Variants in CEP63 observed in about 807,000 individuals in gnomAD.
The protein encoded by CEP63 is centrosomal protein of 63 kDa.
Under a neutral mutation model 89.1 loss-of-function variants are expected in CEP63, and 84 were observed. The ratio of observed to expected loss-of-function variants is 0.94; its 90% CI spans 0.79 to 1.13. The LOEUF is 1.13. Among genes scored for constraint, CEP63 ranks in the 50% most tolerant of loss-of-function variants. CEP63 has a pLI of 0.00. For missense variants in CEP63, 838 were observed against 813.3 expected, an observed-to-expected ratio of 1.03 and a Z score of -0.37; for synonymous variants, 267 against 272.5, an observed-to-expected ratio of 0.98 and a Z score of 0.20.
chr3:134,488,800 A>G (rs1436653490), intron 1 of CEP63, among the ~76,000 whole-genome samples: 4 of 152,164 alleles, frequency 2.6e-5, no homozygotes, highest in Non-Finnish European at 5.9e-5. Flanking sequence ...GTAGAATTGC[A>G]CTGTCCGGTA....
chr3:134,681,677 G>A, the CEP63 span, among the ~76,000 whole-genome samples: 271 of 152,318 alleles, frequency 1.8e-3, no homozygotes, highest in Middle Eastern at 3.4e-3. Flanking sequence ...GGGAAAGAGC[G>A]AGTAGATCCA....
At chr3:134,737,288 AGATTGGT>A in the CEP63 span, among the ~76,000 whole-genome samples, 5 of 152,210 alleles carry the variant, frequency 3.3e-5, no homozygotes, top group African/African-American at 7.2e-5. Context: ...CTAATAAGAA[AGATTGGT>A]GATTTCAATT....
At chr3:134,554,240 C>A (rs1280804208) in intron 12 of CEP63, among the ~76,000 whole-genome samples, 2 of 151,266 alleles carry the variant, frequency 1.3e-5, no homozygotes, top group Non-Finnish European at 2.9e-5. Context: ...CCCCTTCCCC[C>A]ACCCCACAAC....
the CEP63 span, among the ~76,000 whole-genome samples, chr3:134,605,272 C>T: frequency 2.1e-3 from 313 of 152,216 alleles, 3 homozygotes; most frequent in African/African-American, 7.0e-3. Flanking sequence ...AGGGAGGGAC[C>T]GTGGCTTCTC....
At chr3:134,630,558 A>G in the CEP63 span, among the ~76,000 whole-genome samples, 1 of 152,234 alleles carries the variant, frequency 6.6e-6, no homozygotes, top group Non-Finnish European at 1.5e-5. Context: ...AATTCCATAA[A>G]GTTGTAGATG....
At chr3:134,541,069 A>G (rs1276252035) in intron 6 of CEP63, among the ~76,000 whole-genome samples, 1 of 152,190 alleles carries the variant, frequency 6.6e-6, no homozygotes, top group Non-Finnish European at 1.5e-5. Flanking sequence ...GGCGTGAACC[A>G]TCGCACCTGG....
At chr3:134,691,142 C>G in the CEP63 span, among the ~76,000 whole-genome samples, 1 of 152,142 alleles carries the variant, frequency 6.6e-6, no homozygotes, top group Non-Finnish European at 1.5e-5. Flanking sequence ...ATGGCTTGAG[C>G]CTAGGCGTTT....
intron 12 of CEP63, among the ~76,000 whole-genome samples, chr3:134,554,174 C>A (rs1050721772): frequency 2.0e-4 from 30 of 151,798 alleles, no homozygotes; most frequent in African/African-American, 7.0e-4. Flanking sequence ...TGCTGGTGCA[C>A]TGCACCCACT....
chr3:134,526,572 C>T (rs1948686350), intron 3 of CEP63, among the ~76,000 whole-genome samples: 1 of 152,034 alleles, frequency 6.6e-6, no homozygotes, highest in Non-Finnish European at 1.5e-5. Context: ...GTTCTTTGTT[C>T]CTATCCATGC....
At chr3:134,757,055 A>G in the CEP63 span, among the ~76,000 whole-genome samples, 1 of 152,102 alleles carries the variant, frequency 6.6e-6, no homozygotes, top group Non-Finnish European at 1.5e-5. Flanking sequence ...TGAGCCTCTA[A>G]AGCACAGACC....
chr3:134,584,983 G>A (rs1958452952), intron 10 of CEP63, among the ~76,000 whole-genome samples: 2 of 35,886 alleles, frequency 5.6e-5, no homozygotes, highest in Non-Finnish European at 1.2e-4. Context: ...TTGCATGGAG[G>A]TGTTTATAGT....
intron 11 of CEP63, among the ~76,000 whole-genome samples, chr3:134,572,633 C>T (rs1201747576): frequency 6.6e-6 from 1 of 152,210 alleles, no homozygotes; most frequent in African/African-American, 2.4e-5. Context: ...ATATGTACCA[C>T]ATTTTCTTTA....
At chr3:134,555,763 G>GA (rs1491381557) in intron 12 of CEP63, among the ~76,000 whole-genome samples, 6 of 150,628 alleles carry the variant, frequency 4.0e-5, no homozygotes, top group Non-Finnish European at 3.0e-5. Flanking sequence ...CACAGAATTG[G>GA]AAAAAACTAC....
At chr3:134,769,780 C>T in the CEP63 span, among the ~76,000 whole-genome samples, 25 of 152,202 alleles carry the variant, frequency 1.6e-4, no homozygotes, top group African/African-American at 6.0e-4. Context: ...GTCATCTTAC[C>T]TCTAAGCCCT....
intron 6 of CEP63, among the ~76,000 whole-genome samples, chr3:134,541,441 T>G (rs895619990): frequency 6.6e-6 from 1 of 152,200 alleles, no homozygotes; most frequent in Non-Finnish European, 1.5e-5. Context: ...TACTGACTAT[T>G]ACATTTTCAG....
At chr3:134,748,404 T>C in the CEP63 span, among the ~76,000 whole-genome samples, 2 of 152,110 alleles carry the variant, frequency 1.3e-5, no homozygotes, top group African/African-American at 4.8e-5. Context: ...CTACACATGA[T>C]AAAACTGTAT....
intron 11 of CEP63, among the ~76,000 whole-genome samples, chr3:134,551,691 T>C (rs946827462): frequency 2.0e-5 from 3 of 149,866 alleles, no homozygotes; most frequent in African/African-American, 7.3e-5. Context: ...TTCATTCACC[T>C]TAATAACATC....
the CEP63 span, among the ~76,000 whole-genome samples, chr3:134,769,215 CG>C: frequency 6.6e-5 from 10 of 152,200 alleles, no homozygotes; most frequent in East Asian, 1.5e-3. Context: ...TGAATATGGT[CG>C]GGGACCATCA....
the CEP63 span, among the ~76,000 whole-genome samples, chr3:134,775,463 T>G: frequency 2.0e-5 from 3 of 152,182 alleles, no homozygotes; most frequent in Admixed American, 2.0e-4. Context: ...TGGTAGCATA[T>G]AATCTCCAAG....
Sources: allele counts gnomAD v4.1 joint callset (sites outside exome capture counted in the v4.1 genomes callset), GRCh38; gene constraint gnomAD v4.1.1; transcripts MANE v1.5; gene names NCBI Gene and HGNC (gene_info 2026-07-23, HGNC 2026-07-21).